Variants in CDC42BPA observed in about 807,000 individuals in gnomAD.
CDC42BPA encodes serine/threonine-protein kinase MRCK alpha.
A neutral mutation model predicts 223.5 loss-of-function variants in CDC42BPA; 80 were observed. The observed-to-expected ratio is 0.36, with a 90% confidence interval of 0.30 to 0.43. The LOEUF is 0.43. CDC42BPA is among the 20% of genes least tolerant of loss of function. The pLI, the probability that CDC42BPA is intolerant of heterozygous loss-of-function variation, is 1.00. For synonymous variants in CDC42BPA, 694 were observed against 718.6 expected, an observed-to-expected ratio of 0.97 and a Z score of 0.55; for missense variants, 1,743 against 2,099.9, an observed-to-expected ratio of 0.83 and a Z score of 3.32.
rs956377922 is a variant in CDC42BPA, at chr1:227,033,400, A to G, written c.3492T>C (p.Ser1164=). Residue 1164 remains serine (S), a synonymous_variant, in exon 27 of 37, where the codon TCT becomes TCC. Coordinates refer to ENST00000366766, the MANE Select transcript of CDC42BPA (RefSeq NM_001394014.1). ...CATCAGAAGCCAAGACTGAACTCACAGAAAATTCTTCATCCCTGAACGAAA... is the reference window on the plus strand; with the variant it reads ...CATCAGAAGCCAAGACTGAACTCACGGAAAATTCTTCATCCCTGAACGAAA... ...QVIDMRDEEF[S]VSSVLASDVI... is the part of the protein sequence containing the mutation. The G allele has an allele frequency of 1.2e-6, 2 of 1,613,164 alleles. No individual in the cohort carries two copies. The highest frequency in any genetic ancestry group is 1.7e-5 in the Admixed American group (1 of 59,992).
At chr1:226,997,891 T>G (rs1661965276) in intron 35 of CDC42BPA, among the ~76,000 whole-genome samples, 1 of 152,194 alleles carries the variant, frequency 6.6e-6, no homozygotes, top group African/African-American at 2.4e-5. Flanking sequence ...AGAATAAGTG[T>G]GATGTGGTGC....
intron 1 of CDC42BPA, among the ~76,000 whole-genome samples, chr1:227,300,311 CT>C (rs1441915953): frequency 2.6e-5 from 4 of 152,122 alleles, no homozygotes; most frequent in African/African-American, 9.7e-5. Flanking sequence ...AATCCCACTG[CT>C]GGGTATCTAC....
chr1:227,239,222 G>A (rs1452156375), intron 2 of CDC42BPA, among the ~76,000 whole-genome samples: 1 of 152,112 alleles, frequency 6.6e-6, no homozygotes, highest in Non-Finnish European at 1.5e-5. Context: ...GCAAAAGTAT[G>A]GAGATTATAA....
chr1:227,235,150 AC>A (rs1328279239), intron 2 of CDC42BPA: 1 of 152,172 alleles, frequency 6.6e-6, no homozygotes, highest in Admixed American at 6.5e-5. Flanking sequence ...CCAACATGAC[AC>A]CAAAGAAATG....
intron 34 of CDC42BPA, among the ~76,000 whole-genome samples, chr1:227,012,337 C>A (rs1277907079): frequency 6.6e-6 from 1 of 152,018 alleles, no homozygotes; most frequent in East Asian, 1.9e-4. Context: ...TTTAAAAATT[C>A]AAGAAAATGA....
In CDC42BPA at chr1:227,031,454, T is replaced by C. The variant is rs911831012; in HGVS notation, c.3619A>G (p.Thr1207Ala). Residue 1207 changes from threonine to alanine, a missense_variant, in exon 28 of 37, where the codon ACT (threonine) becomes GCT (alanine). By Grantham distance (58) the Thr-to-Ala change is moderately conservative. Coordinates refer to ENST00000366766, the MANE Select transcript of CDC42BPA (RefSeq NM_001394014.1). ...NKCSILMLAD[T>A]ENEKNKWVGV... is the part of the protein sequence containing the mutation. ...ACCCACTTATTCTTCTCATTCTCAG[T>C]GTCTGCTAGCATCAGGATTGAACAT... 13 of 1,614,126 alleles carry C rather than the reference T, an allele frequency of 8.1e-6. No individual in the cohort carries two copies. The South Asian group carries it at 8.8e-5, about 11-fold the overall frequency.
Position 227,303,564 on chromosome 1 carries a change from A to C in CDC42BPA, c.178+13441T>G, listed in dbSNP as rs77661861. ...TTTCTACTGCTTCTAAACCAGCCTC[A>C]ATCAATCCTCTGTACTTTAGCCCTA... On this transcript the variant is annotated intron_variant, in intron 1 of 36. Coordinates refer to ENST00000366766, the MANE Select transcript of CDC42BPA (RefSeq NM_001394014.1). 2.0e-5 allele frequency among the ~76,000 whole-genome samples: 3 copies of C among 152,258 alleles called. No homozygotes were observed. The East Asian group carries it at 5.8e-4, about 29-fold the overall frequency.
rs185513796 is a variant in CDC42BPA at position 226,998,539 on chromosome 1, C to T, written c.4976-3559G>A. On this transcript the variant is annotated intron_variant, in intron 35 of 36. Transcript: ENST00000366766. Reference sequence around the variant, plus strand: ...TGACAAACCTGACAAAAACAAGCAACGGGGAAAGGATTCCCTATTTAATAA... The same window carrying T: ...TGACAAACCTGACAAAAACAAGCAATGGGGAAAGGATTCCCTATTTAATAA... Among the ~76,000 whole-genome samples the T allele has an allele frequency of 6.0e-3, 918 of 152,150 alleles. 10 individuals are homozygous for T. The highest frequency in any genetic ancestry group is 0.021 in the African/African-American group (860 of 41,514).
At chr1:227,253,887 A>G (rs951870341) in intron 2 of CDC42BPA, among the ~76,000 whole-genome samples, 177 bp downstream of exon 2, 3 of 152,148 alleles carry the variant, frequency 2.0e-5, no homozygotes, top group Non-Finnish European at 4.4e-5. Flanking sequence ...TTCATTCAAC[A>G]CTTTATTTTC....
chr1:227,046,940 A>T (rs935481817), intron 23 of CDC42BPA, among the ~76,000 whole-genome samples: 1 of 152,086 alleles, frequency 6.6e-6, no homozygotes, highest in Non-Finnish European at 1.5e-5. Flanking sequence ...ATCTGATGAT[A>T]ATCTCATTTT....
chr1:227,153,851 C>T (rs928781172), intron 6 of CDC42BPA, among the ~76,000 whole-genome samples: 13 of 151,982 alleles, frequency 8.6e-5, no homozygotes, highest in African/African-American at 2.9e-4. Flanking sequence ...GACAACTGTA[C>T]TATAAACTGT....
rs72110440 is a variant in CDC42BPA at position 227,089,627 on chromosome 1, GTTTTT to G, written c.2355+2254_2355+2258del. ...CAATTTAGCAAGAATGGGTAATTCC[GTTTTT>G]TTTTTTTTTTTTTTTTTTTAAAAAC... On this transcript the variant is annotated intron_variant, in intron 16 of 36. Transcript: ENST00000366766. Among the ~76,000 whole-genome samples the G allele has an allele frequency of 3.2e-3, 370 of 116,718 alleles. 1 individual carries two copies. The highest frequency in any genetic ancestry group is 0.012 in the African/African-American group (350 of 30,408). 76.6% of individuals were successfully genotyped at this position (116,718 alleles called of 152,430 possible).
At chr1:227,116,933 A>G (rs928078132) in intron 12 of CDC42BPA, among the ~76,000 whole-genome samples, 1 of 152,140 alleles carries the variant, frequency 6.6e-6, no homozygotes, top group African/African-American at 2.4e-5. Flanking sequence ...ATTTATCTAT[A>G]TTCCAAAGGG....
At chr1:227,083,006 AG>A (rs1681036290) in intron 16 of CDC42BPA, among the ~76,000 whole-genome samples, 1 of 152,042 alleles carries the variant, frequency 6.6e-6, no homozygotes, top group Non-Finnish European at 1.5e-5. Flanking sequence ...CCGCTTTTCT[AG>A]GATTTGTCTA....
At chr1:227,091,090 T>C (rs1682989089) in intron 16 of CDC42BPA, among the ~76,000 whole-genome samples, 1 of 152,202 alleles carries the variant, frequency 6.6e-6, no homozygotes, top group African/African-American at 2.4e-5. Context: ...TTTGTGAATA[T>C]GAATCAGCTG....
chr1:227,080,785 C>T, intron 17 of CDC42BPA, 108 bp downstream of exon 17: 3 of 1,239,362 alleles, frequency 2.4e-6, no homozygotes, highest in South Asian at 1.2e-5. Flanking sequence ...TTATTTATCA[C>T]ATCTGACAAA....
At chr1:227,179,084 CGT>C (rs1270756474) in intron 5 of CDC42BPA, among the ~76,000 whole-genome samples, 1 of 151,966 alleles carries the variant, frequency 6.6e-6, no homozygotes, top group Non-Finnish European at 1.5e-5. Flanking sequence ...CAGAAAACCG[CGT>C]GTTATATGAT....
chr1:227,260,964 T>G (rs1261569010), intron 1 of CDC42BPA, among the ~76,000 whole-genome samples: 1 of 151,004 alleles, frequency 6.6e-6, no homozygotes, highest in Non-Finnish European at 1.5e-5. Context: ...ATACTGTGAC[T>G]ATACATTAAT....
chr1:227,213,131 C>G lies in CDC42BPA; in HGVS notation c.354+5G>C. ...TTTATATATTCCAATACATAAGACT[C>G]TTACCTCAGCTCTTTTCAGCATTTC... On this transcript the variant is annotated splice_donor_5th_base_variant and intron_variant, in intron 3 of 36. Coordinates refer to ENST00000366766, the MANE Select transcript of CDC42BPA (RefSeq NM_001394014.1). 1 of 1,409,938 alleles carries G rather than the reference C, an allele frequency of 7.1e-7. No homozygotes were observed. The highest frequency in any genetic ancestry group is 9.9e-7 in the Non-Finnish European group (1 of 1,008,750). 87.3% of individuals were successfully genotyped at this position (1,409,938 alleles called of 1,614,324 possible). A position where few individuals can be genotyped will look rare whatever the true frequency, so the allele number is the denominator to read the frequency against.
Sources: gnomAD v4.1 joint callset for allele counts (sites outside exome capture counted in the v4.1 genomes callset) on GRCh38, gnomAD v4.1.1 for gene constraint, MANE v1.5 for transcripts, NCBI Gene and HGNC (gene_info 2026-07-23, HGNC 2026-07-21) for gene names.